Variants in INO80 observed in about 807,000 individuals in gnomAD.
The protein encoded by INO80 is chromatin-remodeling ATPase INO80.
Under a neutral mutation model 203.4 loss-of-function variants are expected in INO80, and 20 were observed. The ratio of observed to expected loss-of-function variants is 0.10; its 90% CI spans 0.07 to 0.14. The LOEUF is 0.14. Ranked by LOEUF, INO80 falls within the 10% of genes least tolerant of loss-of-function variation. The probability of loss-of-function intolerance (pLI) is 1.00; values close to 1 mark genes in which losing one functional copy is unlikely to be tolerated. For missense variants in INO80, 1,419 were observed against 1,914.4 expected (o/e 0.74, Z 4.83); for synonymous variants, 726 against 685.2 (o/e 1.06, Z -0.93).
intron 19 of INO80, among the ~76,000 whole-genome samples, chr15:41,050,697 G>A (rs1596293581): frequency 1.3e-5 from 2 of 152,028 alleles, no homozygotes; most frequent in Non-Finnish European, 2.9e-5. Flanking sequence ...ATAATATTTT[G>A]TGGTCTTCCT....
At chr15:41,007,371 T>TG (rs921297704) in intron 27 of INO80, among the ~76,000 whole-genome samples, 3 of 151,880 alleles carry the variant, frequency 2.0e-5, no homozygotes, top group Admixed American at 2.0e-4. Flanking sequence ...TTAGTAGAGA[T>TG]GGGGTTTCGC....
intron 27 of INO80, among the ~76,000 whole-genome samples, chr15:41,009,944 A>C (rs2044108809): frequency 6.6e-6 from 1 of 152,120 alleles, no homozygotes; most frequent in Non-Finnish European, 1.5e-5. Context: ...CTTCAAGCAA[A>C]TTCTTACACG....
At chr15:41,053,233 G>A (rs1273551911) in intron 19 of INO80, among the ~76,000 whole-genome samples, 2 of 152,154 alleles carry the variant, frequency 1.3e-5, no homozygotes, top group African/African-American at 4.8e-5. Context: ...AGCCTCCCGA[G>A]TAACTGGGAC....
chr15:41,006,645 C>G (rs965539637), intron 27 of INO80, among the ~76,000 whole-genome samples: 4 of 152,164 alleles, frequency 2.6e-5, no homozygotes, highest in Non-Finnish European at 5.9e-5. Flanking sequence ...TTTGGAATAT[C>G]TGGTGCAGCG....
Position 41,080,265 on chromosome 15 carries a change from C to T in INO80, c.928-361G>A, listed in dbSNP as rs572864825. Among the ~76,000 whole-genome samples the T allele has an allele frequency of 2.2e-4, 33 of 152,284 alleles. No individual in the cohort carries two copies. The South Asian group carries it at 6.8e-3, about 32-fold the overall frequency. ...CTGAAAAATATATTAAACCAATTTA[C>T]TCTTCACAAAAACCCTATGAAATTG... On this transcript the variant is annotated intron_variant, in intron 8 of 35. Coordinates refer to ENST00000648947, the MANE Select transcript of INO80 (RefSeq NM_017553.3).
At position 41,006,587 on chromosome 15, in the gene INO80, G is replaced by C. The variant is rs535899408; in HGVS notation, c.3403-900C>G. 2.5e-3 allele frequency among the ~76,000 whole-genome samples: 379 copies of C among 152,300 alleles called. 3 individuals carry two copies. Among genetic ancestry groups the C allele is most frequent in the African/African-American group, 8.6e-3 (359 of 41,558 alleles). ...TTCTTATACTGCAATATTTTCATAT[G>C]TAACTCTTATACTTGGTGGGGCATT... is the stretch of plus-strand genomic sequence containing the variant. On this transcript the variant is annotated intron_variant, in intron 27 of 35. Transcript: ENST00000648947.
chr15:41,105,581 G>A (rs2045869109), intron 1 of INO80, among the ~76,000 whole-genome samples: 1 of 152,152 alleles, frequency 6.6e-6, no homozygotes, highest in Non-Finnish European at 1.5e-5. Flanking sequence ...AGTACTCCAA[G>A]CATGAAGTAC....
intron 29 of INO80, among the ~76,000 whole-genome samples, chr15:40,992,066 G>T (rs942726114): frequency 6.6e-6 from 1 of 152,150 alleles, no homozygotes; most frequent in Non-Finnish European, 1.5e-5. Flanking sequence ...GTGAGCCACC[G>T]GGCCCTGCTG....
chr15:41,104,529 C>T (rs1360988674), intron 1 of INO80, among the ~76,000 whole-genome samples: 1 of 151,844 alleles, frequency 6.6e-6, no homozygotes, highest in Non-Finnish European at 1.5e-5. Flanking sequence ...ACTGCCAGGC[C>T]CTTATTTCTT....
intron 7 of INO80, 28 bp from the exon 8 acceptor site, chr15:41,081,101 T>C (rs1382024952): frequency 1.1e-5 from 16 of 1,418,280 alleles, no homozygotes; most frequent in Admixed American, 1.7e-5. Context: ...CAATATTTCA[T>C]TTAGGATTCA....
intron 14 of INO80, among the ~76,000 whole-genome samples, chr15:41,067,802 T>C (rs1452414938): frequency 6.6e-6 from 1 of 152,222 alleles, no homozygotes; most frequent in Non-Finnish European, 1.5e-5. Flanking sequence ...TATTTTGATA[T>C]ATAATCTCCA....
Position 41,089,743 on chromosome 15 carries a change from C to CAAA in INO80, c.538-2064_538-2062dup, listed in dbSNP as rs796081701. ...GGGCAACAAAAGTGAAACTCAATCTCAAAAAAAAAAAAAAAGAAAGAAAGA... is the reference window on the plus strand; with the variant it reads ...GGGCAACAAAAGTGAAACTCAATCTCAAAAAAAAAAAAAAAAAAGAAAGAAAGA... On this transcript the variant is annotated intron_variant, in intron 5 of 35. Coordinates refer to ENST00000648947, the MANE Select transcript of INO80 (RefSeq NM_017553.3). 3.2e-3 allele frequency among the ~76,000 whole-genome samples: 364 copies of CAAA among 112,976 alleles called. 2 individuals are homozygous for CAAA. Among genetic ancestry groups the CAAA allele is most frequent in the South Asian group, 0.016 (60 of 3,704 alleles). The allele number at this position is 112,976 out of a possible 152,430, so 74.1% of individuals were successfully genotyped here. A position where few individuals can be genotyped will look rare whatever the true frequency, so the allele number is the denominator to read the frequency against.
intron 23 of INO80, among the ~76,000 whole-genome samples, chr15:41,046,206 CATATATATATATATAT>C (rs1160486459): frequency 1.1e-3 from 16 of 14,426 alleles, no homozygotes; most frequent in African/African-American, 3.6e-3. Flanking sequence ...CGTATACATA[CATATATATATATATAT>C]ATATATATAT....
chr15:41,029,867 T>C (rs2044433533), intron 24 of INO80, among the ~76,000 whole-genome samples: 2 of 152,230 alleles, frequency 1.3e-5, no homozygotes, highest in Non-Finnish European at 2.9e-5. Flanking sequence ...CAGTAGCCCA[T>C]CTTGCTCCCT....
Position 41,070,561 on chromosome 15 carries a change from A to AT in INO80, c.1606-15dup. On this transcript the variant is annotated splice_polypyrimidine_tract_variant and intron_variant, in intron 12 of 35. Transcript: ENST00000648947. ...GCCATTAATACCCTGGGGAAAAAAAATACATGGTCAACACCTCATGCATTT... is the reference window on the plus strand; with the variant it reads ...GCCATTAATACCCTGGGGAAAAAAAATTACATGGTCAACACCTCATGCATTT... 1 of 1,601,528 alleles carries AT rather than the reference A, an allele frequency of 6.2e-7. No individual in the cohort carries two copies. The highest frequency in any genetic ancestry group is 1.1e-5 in the South Asian group (1 of 90,804).
At chr15:41,102,926 A>G (rs2045830666) in intron 1 of INO80, among the ~76,000 whole-genome samples, 1 of 152,150 alleles carries the variant, frequency 6.6e-6, no homozygotes, top group Non-Finnish European at 1.5e-5. Context: ...ACGCCTTAGA[A>G]AATCTCATCT....
chr15:40,979,982 GA>G lies in INO80; in HGVS notation c.*240del. On this transcript the variant is annotated 3_prime_UTR_variant, in exon 36 of 36. Transcript: ENST00000648947. ...TAAGACTTGGCTATACAGTTCACTT[GA>G]GATGCAGTGGGGCTGATCCATGCCC... 1 of 555,384 alleles carries G rather than the reference GA, an allele frequency of 1.8e-6. No individual in the cohort carries two copies. Among genetic ancestry groups the G allele is most frequent in the South Asian group, 2.0e-5 (1 of 49,118 alleles). The allele number at this position is 555,384 out of a possible 1,614,324, so 34.4% of individuals were successfully genotyped here. A position where few individuals can be genotyped will look rare whatever the true frequency, so the allele number is the denominator to read the frequency against.
At chr15:41,091,264 TGGCTG>T (rs2045636928) in intron 5 of INO80, among the ~76,000 whole-genome samples, 2 of 152,074 alleles carry the variant, frequency 1.3e-5, no homozygotes, top group Admixed American at 6.5e-5. Flanking sequence ...TTCACCAAGT[TGGCTG>T]GGCTGGGCTC....
chr15:40,989,698 C>A (rs527249194), intron 29 of INO80, among the ~76,000 whole-genome samples: 1 of 152,350 alleles, frequency 6.6e-6, no homozygotes, highest in African/African-American at 2.4e-5. Flanking sequence ...CTGCCTCAGC[C>A]TCCTGAGTAG....
Sources: allele counts gnomAD v4.1 joint callset (sites outside exome capture counted in the v4.1 genomes callset), GRCh38; gene constraint gnomAD v4.1.1; transcripts MANE v1.5; gene names NCBI Gene and HGNC (gene_info 2026-07-23, HGNC 2026-07-21).